STAC: variants seen among roughly 807,000 people sequenced by gnomAD.
STAC encodes SH3 and cysteine rich domain, also known as SH3 and cysteine-rich domain-containing protein.
In STAC, 43 loss-of-function variants were observed where a neutral mutation model predicts 48.8. The observed-to-expected ratio is 0.88, with a 90% CI of 0.69 to 1.14. STAC has a LOEUF of 1.14. Among genes scored for constraint, STAC ranks in the 50% most tolerant of loss-of-function variants. The pLI, the probability that STAC is intolerant of heterozygous loss-of-function variation, is 0.00. For synonymous variants in STAC, 193 were observed against 179.5 expected (o/e 1.07, Z -0.60); for missense variants, 497 against 504.0 (o/e 0.99, Z 0.13).
chr3:36,501,241 T>C (rs945864247), intron 6 of STAC, among the ~76,000 whole-genome samples: 8 of 151,844 alleles, frequency 5.3e-5, no homozygotes, highest in African/African-American at 1.9e-4. Context: ...TTAAAATGAG[T>C]GTTAAAAAAA....
intron 1 of STAC, among the ~76,000 whole-genome samples, chr3:36,402,211 A>G (rs1215852429): frequency 6.6e-6 from 1 of 152,188 alleles, no homozygotes; most frequent in Non-Finnish European, 1.5e-5. Flanking sequence ...GAAAGAGTGA[A>G]TAATGTAATG....
intron 1 of STAC, among the ~76,000 whole-genome samples, chr3:36,434,913 G>T (rs1017808659): frequency 5.9e-5 from 9 of 152,164 alleles, no homozygotes; most frequent in African/African-American, 1.2e-4. Flanking sequence ...ATTCCAGCAG[G>T]CACCAGAAAA....
At chr3:36,413,838 C>CT (rs1700253165) in intron 1 of STAC, among the ~76,000 whole-genome samples, 1 of 152,122 alleles carries the variant, frequency 6.6e-6, no homozygotes, top group South Asian at 2.1e-4. Context: ...ATGTTTAATG[C>CT]TTCCTTCAGG....
intron 2 of STAC, among the ~76,000 whole-genome samples, chr3:36,460,914 AAAT>A (rs1696999052): frequency 6.6e-6 from 1 of 152,208 alleles, no homozygotes; most frequent in African/African-American, 2.4e-5. Flanking sequence ...AATTCTTCAA[AAAT>A]AATAACATTT....
intron 5 of STAC, among the ~76,000 whole-genome samples, chr3:36,490,407 A>C (rs76342392): frequency 0.042 from 6,460 of 152,300 alleles, 168 homozygotes; most frequent in South Asian, 0.054. Context: ...GGAAAAGCAC[A>C]AACAAAACTG....
chr3:36,398,316 A>AAAGCAAGCAAGC (rs58878974), intron 1 of STAC, among the ~76,000 whole-genome samples: 1 of 100,288 alleles, frequency 1.0e-5, no homozygotes, highest in Non-Finnish European at 2.0e-5. Flanking sequence ...AGAAAGAAAG[A>AAAGCAAGCAAGC]AAGCAAGAAA....
rs149913047 is a variant in STAC at position 36,380,710 on chromosome 3, G to C, written c.67G>C (p.Glu23Gln). Residue 23 changes from glutamate to glutamine, a missense_variant, in exon 1 of 11, where the codon GAG (glutamate) becomes CAG (glutamine). By Grantham distance (29) the Glu-to-Gln change is conservative (BLOSUM62 2). Transcript: ENST00000273183. Reference protein sequence around the residue: ...DGLPKEAVGAEQPPSPASTSS... With the variant: ...DGLPKEAVGAQQPPSPASTSS... ...GCTGCCCAAGGAGGCGGTGGGCGCC[G>C]AGCAACCGCCCTCTCCTGCATCCAC... 8.3e-5 allele frequency: 133 copies of C among 1,611,758 alleles called. No individual in the cohort carries two copies. Among genetic ancestry groups the C allele is most frequent in the Admixed American group, 1.0e-4 (6 of 59,882 alleles).
chr3:36,435,487 C>T lies in STAC; in HGVS notation c.112-7877C>T, dbSNP rs369780612. Among the ~76,000 whole-genome samples the T allele has an allele frequency of 9.2e-5, 14 of 152,156 alleles. 1 individual carries two copies. In the East Asian group the frequency reaches 1.5e-3, roughly 17 times the overall value. ...TATGCATCGTCAGATTTAATACATG[C>T]TGGAGTAAGCTCCTGTATTTAAACA... On this transcript the variant is annotated intron_variant, in intron 1 of 10. Coordinates refer to ENST00000273183, the MANE Select transcript of STAC (RefSeq NM_003149.3).
rs185944293 is a variant in STAC, at chr3:36,519,920, T to C, written c.921-8776T>C. Among the ~76,000 whole-genome samples the C allele has an allele frequency of 2.1e-3, 316 of 152,324 alleles. 3 individuals are homozygous for C. Among genetic ancestry groups the C allele is most frequent in the African/African-American group, 7.1e-3 (296 of 41,574 alleles). ...GGATAAAGGGTAATAACTGACTATA[T>C]TCCACCAGGCAAAGTTCACTTGCAT... On this transcript the variant is annotated intron_variant, in intron 8 of 10. Transcript: ENST00000273183.
intron 5 of STAC, among the ~76,000 whole-genome samples, chr3:36,492,068 G>A (rs1476356871): frequency 1.8e-5 from 1 of 55,328 alleles, no homozygotes; most frequent in Admixed American, 2.7e-4. Flanking sequence ...ATATATATAT[G>A]TGACTGTCCT....
At chr3:36,513,966 G>A (rs1482266449) in intron 8 of STAC, among the ~76,000 whole-genome samples, 1 of 152,062 alleles carries the variant, frequency 6.6e-6, no homozygotes, top group Non-Finnish European at 1.5e-5. Context: ...CCACTGTCTA[G>A]CTGTGTGACC....
intron 6 of STAC, among the ~76,000 whole-genome samples, chr3:36,494,757 C>T (rs528290867): frequency 6.6e-6 from 1 of 152,342 alleles, no homozygotes; most frequent in South Asian, 2.1e-4. Flanking sequence ...CCACTGAGCA[C>T]TTAGCAGTGC....
chr3:36,497,781 G>C (rs190365281), intron 6 of STAC, among the ~76,000 whole-genome samples: 9 of 151,950 alleles, frequency 5.9e-5, no homozygotes, highest in Admixed American at 5.2e-4. Context: ...AAAGAAAGGA[G>C]GAAAGAAAGA....
At chr3:36,436,888 C>T (rs1700846508) in intron 1 of STAC, among the ~76,000 whole-genome samples, 1 of 151,800 alleles carries the variant, frequency 6.6e-6, no homozygotes, top group South Asian at 2.1e-4. Flanking sequence ...TGACAAAGGG[C>T]TAATATCCAG....
intron 1 of STAC, among the ~76,000 whole-genome samples, chr3:36,398,435 G>GA: frequency 1.6e-5 from 1 of 63,496 alleles, no homozygotes; most frequent in African/African-American, 6.1e-5. Flanking sequence ...AAGGAAGGAA[G>GA]GAAGGAAGGA....
At chr3:36,425,786 G>A (rs1700548496) in intron 1 of STAC, among the ~76,000 whole-genome samples, 1 of 152,200 alleles carries the variant, frequency 6.6e-6, no homozygotes, top group African/African-American at 2.4e-5. Flanking sequence ...AGCACTTTGG[G>A]AGGCCAACGC....
chr3:36,451,354 A>T (rs548295852), intron 2 of STAC, among the ~76,000 whole-genome samples: 13 of 152,142 alleles, frequency 8.5e-5, no homozygotes, highest in African/African-American at 3.1e-4. Flanking sequence ...TTTCATCTCA[A>T]CTCCCACCTC....
intron 6 of STAC, among the ~76,000 whole-genome samples, chr3:36,496,899 A>G (rs1488618887): frequency 6.6e-6 from 1 of 152,160 alleles, no homozygotes; most frequent in Non-Finnish European, 1.5e-5. Context: ...TGGAAGAGAG[A>G]CAGAAGAGGA....
chr3:36,547,901 T>A lies in STAC; in HGVS notation c.*1612T>A, dbSNP rs897543015. 1 of 152,174 alleles carries A rather than the reference T, an allele frequency of 6.6e-6. No homozygotes were observed. The highest frequency in any genetic ancestry group is 2.4e-5 in the African/African-American group (1 of 41,434). The allele number at this position is 152,174 out of a possible 1,614,324, so 9.4% of individuals were successfully genotyped here. ...TCTTTGAGAGCCAGGGTAGATCATA[T>A]GACTGCCTTTCTGTAAAATTGGATG... is the stretch of plus-strand genomic sequence containing the variant. On this transcript the variant is annotated 3_prime_UTR_variant, in exon 11 of 11. Transcript: ENST00000273183.
Sources: allele counts gnomAD v4.1 joint callset (sites outside exome capture counted in the v4.1 genomes callset), GRCh38; gene constraint gnomAD v4.1.1; transcripts MANE v1.5; gene names NCBI Gene and HGNC (gene_info 2026-07-23, HGNC 2026-07-21).